Variants in FRMPD1 observed in about 807,000 individuals in gnomAD.
FRMPD1 encodes the protein FERM and PDZ domain-containing protein 1.
A neutral mutation model predicts 117.8 loss-of-function variants in FRMPD1; 76 were observed. That is an observed-to-expected ratio of 0.65 (90% confidence interval 0.54 to 0.78). The LOEUF (loss-of-function observed/expected upper bound fraction) is 0.78, where lower values mean the gene tolerates loss of function less well. Ranked by LOEUF, FRMPD1 falls within the 30% of genes least tolerant of loss-of-function variation. The pLI is 0.00. For synonymous variants in FRMPD1, 783 were observed against 770.4 expected (o/e 1.02, Z -0.27); for missense variants, 1,786 against 1,964.5 (o/e 0.91, Z 1.72).
intron 7 of FRMPD1, among the ~76,000 whole-genome samples, chr9:37,729,061 CG>C (rs1032788741): frequency 1.3e-5 from 2 of 151,392 alleles, no homozygotes; most frequent in African/African-American, 2.4e-5. Context: ...GCCTGGCCAA[CG>C]TGGCAAAACC....
At position 37,710,794 on chromosome 9, in the gene FRMPD1, A is replaced by G. The variant is rs931268037; in HGVS notation, c.363-556A>G. On this transcript the variant is annotated intron_variant, in intron 4 of 15. Transcript: ENST00000377765. ...AGCCTGACCAACATGGTGAAATCCC[A>G]TCTCTACTAAAAAATTAGCTGGGTG... Among the ~76,000 whole-genome samples, 25 of 151,882 alleles carry G rather than the reference A, an allele frequency of 1.6e-4. 1 individual carries two copies. Among genetic ancestry groups the G allele is most frequent in the African/African-American group, 2.4e-5 (1 of 41,330 alleles).
chr9:37,723,002 C>CT (rs1278268590), intron 6 of FRMPD1, among the ~76,000 whole-genome samples: 3 of 152,308 alleles, frequency 2.0e-5, no homozygotes, highest in Admixed American at 2.0e-4. Flanking sequence ...AGTCCTGTGC[C>CT]TTTTCCCCAA....
At chr9:37,625,518 A>C in the FRMPD1 span, among the ~76,000 whole-genome samples, 1 of 152,202 alleles carries the variant, frequency 6.6e-6, no homozygotes, top group African/African-American at 2.4e-5. Flanking sequence ...CCCAGACATC[A>C]GCACAAATAA....
the FRMPD1 span, among the ~76,000 whole-genome samples, chr9:37,603,655 GTTTTGTTTTGTTTTA>G: frequency 1.4e-4 from 21 of 150,634 alleles, no homozygotes; most frequent in African/African-American, 5.2e-4. Flanking sequence ...TTTTTGTTTT[GTTTTGTTTTGTTTTA>G]TTTTGTTTTG....
intron 1 of FRMPD1, among the ~76,000 whole-genome samples, chr9:37,675,906 C>T (rs1414267700): frequency 6.6e-6 from 1 of 152,214 alleles, no homozygotes; most frequent in Non-Finnish European, 1.5e-5. Context: ...GTTGCCACTC[C>T]CTGGAGAACC....
At position 37,737,257 on chromosome 9, in the gene FRMPD1, TC is replaced by T. The variant is rs750287263; in HGVS notation, c.1549+15del. 2 of 1,613,706 alleles carry T rather than the reference TC, an allele frequency of 1.2e-6. No homozygotes were observed. Among genetic ancestry groups the T allele is most frequent in the Non-Finnish European group, 1.7e-6 (2 of 1,179,760 alleles). ...CTGCAGAAGAAGGTGAGGCACTGAG[TC>T]TTGCCCCAATAAGGACAGGCCCCTT... On this transcript the variant is annotated intron_variant, in intron 14 of 15. Transcript: ENST00000377765.
intron 5 of FRMPD1, among the ~76,000 whole-genome samples, chr9:37,712,192 G>A (rs756398322): frequency 3.3e-5 from 5 of 151,848 alleles, no homozygotes; most frequent in Non-Finnish European, 5.9e-5. Flanking sequence ...CCCTTTTTCC[G>A]AATATAATAA....
At chr9:37,645,511 TA>T in the FRMPD1 span, among the ~76,000 whole-genome samples, 4 of 149,856 alleles carry the variant, frequency 2.7e-5, no homozygotes, top group African/African-American at 9.8e-5. Context: ...GCCCTACCAC[TA>T]AAAAAAAAGG....
the FRMPD1 span, among the ~76,000 whole-genome samples, chr9:37,614,508 C>A: frequency 6.6e-6 from 1 of 152,180 alleles, no homozygotes; most frequent in South Asian, 2.1e-4. Context: ...ATGAAATTGA[C>A]TGAATGACTC....
intron 5 of FRMPD1, among the ~76,000 whole-genome samples, chr9:37,714,546 T>C (rs572143313): frequency 1.3e-5 from 2 of 152,322 alleles, no homozygotes; most frequent in African/African-American, 4.8e-5. Flanking sequence ...AGCCTGCTCC[T>C]GGGCCTCTCA....
the FRMPD1 span, among the ~76,000 whole-genome samples, chr9:37,626,059 G>A: frequency 6.6e-6 from 1 of 152,146 alleles, no homozygotes; most frequent in Non-Finnish European, 1.5e-5. Flanking sequence ...GGGCGCGGTG[G>A]CTCATGCCTG....
chr9:37,745,883 G>A lies in FRMPD1; in HGVS notation c.3851G>A (p.Ser1284Asn). ...HCLLSEGKSD[S>N]SSICLSAEKS... ...TTACTCTCAGAAGGCAAAAGTGACA[G>A]CTCTAGCATCTGCCTTTCTGCTGAG... Residue 1284 changes from serine to asparagine, a missense_variant, in exon 16 of 16, where the codon AGC (serine) becomes AAC (asparagine). By Grantham distance (46) the Ser-to-Asn change is conservative. Transcript: ENST00000377765. 1 of 1,614,236 alleles carries A rather than the reference G, an allele frequency of 6.2e-7. No individual in the cohort carries two copies. The highest frequency in any genetic ancestry group is 1.3e-5 in the African/African-American group (1 of 75,060).
the FRMPD1 span, among the ~76,000 whole-genome samples, chr9:37,632,350 G>T: frequency 6.6e-6 from 1 of 152,092 alleles, no homozygotes; most frequent in Non-Finnish European, 1.5e-5. Flanking sequence ...AGCTCTTTAG[G>T]CTGTTAGTAT....
At chr9:37,606,177 TAGAGATGGTTGGATAAGAG>T in the FRMPD1 span, among the ~76,000 whole-genome samples, 7 of 152,154 alleles carry the variant, frequency 4.6e-5, no homozygotes, top group East Asian at 1.2e-3. Context: ...AAAATGGCAG[TAGAGATGGTTGGATAAGAG>T]AGGGGAGAAG....
rs759018468 is a variant in FRMPD1 at position 37,692,741 on chromosome 9, C to T, written c.100C>T (p.Arg34Trp). ...TCGGCGCTCCCGGGACAGCTCGGCC[C>T]GGTAAGCCTCCTGAGTTTGCAGATT... Reference protein sequence around the residue: ...WLRRSRDSSARAKVAAADGPA... With the variant: ...WLRRSRDSSAWAKVAAADGPA... Residue 34 changes from arginine to tryptophan, a missense_variant and splice_region_variant, in exon 2 of 16, where the codon CGG (arginine) becomes TGG (tryptophan). Arg to Trp is a moderately radical substitution (Grantham distance 101). Transcript: ENST00000377765. 19 of 1,607,850 alleles carry T rather than the reference C, an allele frequency of 1.2e-5. No homozygotes were observed. Among genetic ancestry groups the T allele is most frequent in the Middle Eastern group, 3.3e-4 (2 of 6,060 alleles).
intron 2 of FRMPD1, among the ~76,000 whole-genome samples, chr9:37,700,060 G>T (rs949511129): frequency 1.3e-5 from 2 of 152,092 alleles, no homozygotes; most frequent in Non-Finnish European, 2.9e-5. Flanking sequence ...TTCTAATTCT[G>T]TTGACCTTTC....
the FRMPD1 span, among the ~76,000 whole-genome samples, chr9:37,627,998 G>C: frequency 6.6e-6 from 1 of 152,178 alleles, no homozygotes; most frequent in Admixed American, 6.5e-5. Flanking sequence ...ATAGGACCGT[G>C]ACTTATAACG....
intron 1 of FRMPD1, among the ~76,000 whole-genome samples, chr9:37,658,015 G>T (rs1648637243): frequency 6.6e-6 from 1 of 152,086 alleles, no homozygotes; most frequent in Admixed American, 6.5e-5. Context: ...GTCCTTTGAA[G>T]CCCCACACAC....
rs1822615460 is a variant in FRMPD1, at chr9:37,703,938, A to T, written c.102-3478A>T. Among the ~76,000 whole-genome samples the T allele has an allele frequency of 1.3e-5, 2 of 152,190 alleles. 1 individual carries two copies. The highest frequency in any genetic ancestry group is 2.9e-5 in the Non-Finnish European group (2 of 68,034). On this transcript the variant is annotated intron_variant, in intron 2 of 15. Coordinates refer to ENST00000377765, the MANE Select transcript of FRMPD1 (RefSeq NM_014907.3). ...ACATTCGAGTTGTTTCCACTTTTGG[A>T]CATTTACAGAAAATGCTGCTATAAA...
Sources: allele counts gnomAD v4.1 joint callset (sites outside exome capture counted in the v4.1 genomes callset), GRCh38; gene constraint gnomAD v4.1.1; transcripts MANE v1.5; gene names NCBI Gene and HGNC (gene_info 2026-07-23, HGNC 2026-07-21).